The following ZCCHC2 variants were observed in gnomAD, a reference collection of about 807,000 sequenced individuals.
ZCCHC2 encodes the protein zinc finger CCHC-type containing 2.
ZCCHC2 carries 39 observed loss-of-function variants against 103.6 expected under a neutral mutation model. The ratio of observed to expected loss-of-function variants is 0.38; its 90% CI spans 0.29 to 0.49. ZCCHC2 has a LOEUF of 0.49. Ranked by LOEUF, ZCCHC2 falls within the 20% of genes least tolerant of loss-of-function variation. The pLI is 0.96. For synonymous variants in ZCCHC2, 687 were observed against 608.9 expected (o/e 1.13, Z -1.89); for missense variants, 1,483 against 1,491.0 (o/e 0.99, Z 0.09).
intron 5 of ZCCHC2, 58 bp downstream of exon 5, chr18:62,550,518 C>A: frequency 8.0e-7 from 1 of 1,254,018 alleles, no homozygotes; most frequent in South Asian, 1.3e-5. Context: ...AGGGCCGCTC[C>A]AAATGGGGTC....
intron 9 of ZCCHC2, among the ~76,000 whole-genome samples, chr18:62,563,816 A>G (rs1048044066): frequency 6.6e-5 from 10 of 152,198 alleles, no homozygotes; most frequent in African/African-American, 1.4e-4. Flanking sequence ...AAATTTTCCA[A>G]CTGACCTTTC....
intron 1 of ZCCHC2, among the ~76,000 whole-genome samples, chr18:62,537,516 A>G (rs1158007789): frequency 2.0e-5 from 3 of 152,162 alleles, no homozygotes; most frequent in East Asian, 1.9e-4. Flanking sequence ...GGTATCTCAT[A>G]TAAGTGGAAT....
intron 1 of ZCCHC2, among the ~76,000 whole-genome samples, chr18:62,536,038 C>A (rs1157545058): frequency 6.6e-6 from 1 of 152,184 alleles, no homozygotes; most frequent in Non-Finnish European, 1.5e-5. Context: ...AACTAAAACT[C>A]CATCTATGAC....
At chr18:62,585,576 T>C (rs1349871319) in exon 15 of ZCCHC2, 1 of 152,242 alleles carries the variant, frequency 6.6e-6, no homozygotes, top group African/African-American at 2.4e-5. Context: ...GTAACTTAAT[T>C]GTGCCTTCCA....
At chr18:62,527,763 G>A (rs1426167203) in intron 1 of ZCCHC2, among the ~76,000 whole-genome samples, 1 of 152,170 alleles carries the variant, frequency 6.6e-6, no homozygotes, top group African/African-American at 2.4e-5. Flanking sequence ...TGCTTATATA[G>A]CATAGCTGAA....
chr18:62,540,915 T>G (rs1443820686), intron 2 of ZCCHC2, among the ~76,000 whole-genome samples: 3 of 152,178 alleles, frequency 2.0e-5, no homozygotes, highest in African/African-American at 7.2e-5. Context: ...AACTTGAAAT[T>G]ATCACTGAAG....
chr18:62,542,935 C>T (rs141838371), intron 3 of ZCCHC2, among the ~76,000 whole-genome samples: 9 of 152,210 alleles, frequency 5.9e-5, no homozygotes, highest in South Asian at 4.2e-4. Flanking sequence ...TTCTCTGTGA[C>T]GCTTTTATTG....
At position 62,523,657 on chromosome 18, in the gene ZCCHC2, G is replaced by T. The variant is rs1914175197; in HGVS notation, c.233G>T (p.Gly78Val). Residue 78 changes from glycine (G) to valine (V), a missense_variant, in exon 1 of 14, where the codon GGG (glycine) becomes GTG (valine). Gly to Val is a moderately radical substitution (Grantham distance 109). Transcript: ENST00000269499. The part of the protein sequence containing the change: ...GPPVAGGAAA[G>V]AGMPGGGGGP... ...CCTGTTGCTGGTGGAGCGGCGGCGGGGGCGGGTATGCCGGGCGGCGGCGGG... is the reference window on the plus strand; with the variant it reads ...CCTGTTGCTGGTGGAGCGGCGGCGGTGGCGGGTATGCCGGGCGGCGGCGGG... The T allele has an allele frequency of 2.3e-6, 3 of 1,312,212 alleles. No individual in the cohort carries two copies. Among genetic ancestry groups the T allele is most frequent in the Non-Finnish European group, 2.9e-6 (3 of 1,036,526 alleles). The allele number at this position is 1,312,212 out of a possible 1,614,324, so 81.3% of individuals were successfully genotyped here.
chr18:62,529,879 A>G (rs1914608037), intron 1 of ZCCHC2, among the ~76,000 whole-genome samples: 1 of 152,228 alleles, frequency 6.6e-6, no homozygotes, highest in African/African-American at 2.4e-5. Context: ...TATTAGGGAA[A>G]AATATTGCAC....
intron 5 of ZCCHC2, among the ~76,000 whole-genome samples, chr18:62,555,610 A>T (rs780973551): frequency 6.6e-6 from 1 of 152,166 alleles, no homozygotes; most frequent in African/African-American, 2.4e-5. Context: ...GGAGTTCGAG[A>T]CTAGCCTGAC....
chr18:62,552,174 A>T (rs1184053138), intron 5 of ZCCHC2: 1 of 152,258 alleles, frequency 6.6e-6, no homozygotes, highest in Admixed American at 6.5e-5. Flanking sequence ...GAGCCCCCCA[A>T]GCTGTGGATG....
chr18:62,528,589 A>AAT (rs1914540336), intron 1 of ZCCHC2, among the ~76,000 whole-genome samples: 1 of 44,294 alleles, frequency 2.3e-5, no homozygotes, highest in Non-Finnish European at 4.2e-5. Flanking sequence ...ACAGAGTGAG[A>AAT]CTGTCTCGGG....
At chr18:62,567,855 G>A (rs1916431194) in intron 11 of ZCCHC2, among the ~76,000 whole-genome samples, 1 of 148,624 alleles carries the variant, frequency 6.7e-6, no homozygotes, top group Non-Finnish European at 1.5e-5. Context: ...TGAGGCAGGA[G>A]CATCACTTGA....
intron 6 of ZCCHC2, among the ~76,000 whole-genome samples, chr18:62,557,159 T>C (rs181192933): frequency 6.6e-6 from 1 of 152,366 alleles, no homozygotes; most frequent in Non-Finnish European, 1.5e-5. Flanking sequence ...AGTTTTGCCC[T>C]CTTATTTCAC....
At position 62,530,596 on chromosome 18, in the gene ZCCHC2, T is replaced by A. The variant is rs561678032; in HGVS notation, c.939+6233T>A. Among the ~76,000 whole-genome samples, 4 of 152,308 alleles carry A rather than the reference T, an allele frequency of 2.6e-5. No individual in the cohort carries two copies. In the South Asian group the frequency reaches 6.2e-4, roughly 24 times the overall value. ...GTTACCATCCCTGTGAATACATTGA[T>A]GTTCGGGAAGGACAGGCAATTGAAA... On this transcript the variant is annotated intron_variant, in intron 1 of 13. Transcript: ENST00000269499.
chr18:62,561,739 G>A (rs370709684), intron 8 of ZCCHC2, among the ~76,000 whole-genome samples: 3 of 152,084 alleles, frequency 2.0e-5, no homozygotes, highest in Admixed American at 6.5e-5. Context: ...AGTTTCAATC[G>A]GTCTTACTGC....
chr18:62,575,219 T>G lies in ZCCHC2; in HGVS notation c.3138T>G (p.Pro1046=), dbSNP rs1368164964. Residue 1046 remains proline (P), a synonymous_variant, in exon 13 of 14, where the codon CCT becomes CCG. Transcript: ENST00000269499. ...NPMPGPMYRV[P]SFFTLPSICN... is the part of the protein sequence containing the mutation. The stretch of plus-strand genomic sequence containing the variant: ...TGCCTGGACCAATGTACCGAGTCCC[T>G]TCATTCTTTACTCTGCCATCCATTT... The G allele has an allele frequency of 6.2e-7, 1 of 1,614,030 alleles. No homozygotes were observed.
intron 7 of ZCCHC2, 108 bp from the exon 8 acceptor site, chr18:62,560,479 T>C (rs559986311): frequency 2.4e-6 from 2 of 845,512 alleles, no homozygotes; most frequent in South Asian, 3.6e-5. Flanking sequence ...TTAGAAGTGC[T>C]TCATACCATC....
intron 1 of ZCCHC2, among the ~76,000 whole-genome samples, chr18:62,531,622 A>G (rs958249643): frequency 2.0e-5 from 3 of 152,086 alleles, no homozygotes; most frequent in African/African-American, 7.2e-5. Flanking sequence ...TAGAGCGATT[A>G]GCACAATTTG....
Sources: gnomAD v4.1 joint callset for allele counts (sites outside exome capture counted in the v4.1 genomes callset) on GRCh38, gnomAD v4.1.1 for gene constraint, MANE v1.5 for transcripts, NCBI Gene and HGNC (gene_info 2026-07-23, HGNC 2026-07-21) for gene names.